The following MAB21L3 variants were observed in gnomAD, a reference collection of about 807,000 sequenced individuals.
MAB21L3 encodes the protein mab-21 like 3.
A neutral mutation model predicts 37.7 loss-of-function variants in MAB21L3; 36 were observed. The observed-to-expected ratio is 0.96, with a 90% CI of 0.73 to 1.26. The LOEUF is 1.26. Ranked by LOEUF, MAB21L3 falls within the 50% of genes most tolerant of loss-of-function variation. MAB21L3 has a pLI of 0.00. For missense variants in MAB21L3, 430 were observed against 447.3 expected (o/e 0.96, Z 0.35); for synonymous variants, 186 against 176.8 (o/e 1.05, Z -0.41).
At chr1:116,117,177 A>ATG (rs1333909302) in intron 3 of MAB21L3, among the ~76,000 whole-genome samples, 1 of 144,852 alleles carries the variant, frequency 6.9e-6, no homozygotes, top group Non-Finnish European at 1.5e-5. Flanking sequence ...ATATATATAT[A>ATG]TATATATATA....
chr1:116,117,326 C>A (rs1259429810), intron 3 of MAB21L3, among the ~76,000 whole-genome samples: 1 of 151,864 alleles, frequency 6.6e-6, no homozygotes, highest in Non-Finnish European at 1.5e-5. Flanking sequence ...ATTTCTCAAC[C>A]ACTCTGCCTG....
At chr1:116,119,315 T>C (rs1557928927) in intron 3 of MAB21L3, among the ~76,000 whole-genome samples, 1 of 152,180 alleles carries the variant, frequency 6.6e-6, no homozygotes, top group Admixed American at 6.5e-5. Context: ...TGACCCTATA[T>C]GTGATATACA....
rs1660223883 is a variant in MAB21L3 at position 116,137,752 on chromosome 1, A to G, written c.*4387A>G. Among the ~76,000 whole-genome samples, 1 of 152,200 alleles carries G rather than the reference A, an allele frequency of 6.6e-6. No individual in the cohort carries two copies. Among genetic ancestry groups the G allele is most frequent in the African/African-American group, 2.4e-5 (1 of 41,430 alleles). Reference sequence around the variant, plus strand: ...TATCCAACAATGATAGAGTGGATTAAGAAAATGTGGCACATATACACCATG... The same window carrying G: ...TATCCAACAATGATAGAGTGGATTAGGAAAATGTGGCACATATACACCATG... On this transcript the variant is annotated 3_prime_UTR_variant, in exon 8 of 8. Coordinates refer to ENST00000369500, the MANE Select transcript of MAB21L3 (RefSeq NM_152367.3).
At chr1:116,124,953 AG>A (rs1280455076) in intron 5 of MAB21L3, among the ~76,000 whole-genome samples, 2 of 152,148 alleles carry the variant, frequency 1.3e-5, no homozygotes. Context: ...CAAACTGGAA[AG>A]AAATGGCTAA....
At chr1:116,126,434 CTG>C (rs1485213740) in intron 5 of MAB21L3, among the ~76,000 whole-genome samples, 5 of 152,178 alleles carry the variant, frequency 3.3e-5, no homozygotes, top group African/African-American at 1.2e-4. Context: ...GAAACAGTGG[CTG>C]TGACGTGCTT....
At position 116,127,530 on chromosome 1, in the gene MAB21L3, G is replaced by A. The variant is rs1659942484; in HGVS notation, c.546G>A (p.Gln182=). 1.2e-6 allele frequency: 2 copies of A among 1,614,076 alleles called. No homozygotes were observed. Among genetic ancestry groups the A allele is most frequent in the South Asian group, 2.2e-5 (2 of 91,088 alleles). ...TTGCTGTGGAAACATCTGCATATCA[G>A]GTGGAACTGGAGCTGGTCCCCGCAG... ...VWVAVETSAY[Q]VELELVPAVE... The change falls in exon 6 of 8, where the codon CAG becomes CAA. Residue 182 remains glutamine, a synonymous_variant. Transcript: ENST00000369500.
chr1:116,124,027 G>C (rs1456986886), intron 4 of MAB21L3, 39 bp from the exon 5 acceptor site: 1 of 1,554,440 alleles, frequency 6.4e-7, no homozygotes, highest in Admixed American at 1.9e-5. Context: ...TCCCGAATCT[G>C]TGAATTCATG....
At chr1:116,113,289 G>T (rs1190928551) in intron 3 of MAB21L3, among the ~76,000 whole-genome samples, 1 of 152,140 alleles carries the variant, frequency 6.6e-6, no homozygotes, top group African/African-American at 2.4e-5. Flanking sequence ...AGTAGGCACT[G>T]GTCTGCAGTT....
intron 7 of MAB21L3, among the ~76,000 whole-genome samples, chr1:116,132,124 C>T (rs2101619457): frequency 6.6e-6 from 1 of 152,224 alleles, no homozygotes; most frequent in Middle Eastern, 3.4e-3. Context: ...ACACGATAAG[C>T]AGGTCAGAGG....
chr1:116,130,871 T>C (rs1660049435), intron 7 of MAB21L3, among the ~76,000 whole-genome samples: 1 of 152,264 alleles, frequency 6.6e-6, no homozygotes, highest in Non-Finnish European at 1.5e-5. Flanking sequence ...TTTTTTCTGG[T>C]ATCTAGGTTA....
Position 116,137,940 on chromosome 1 carries a change from A to G in MAB21L3, c.*4575A>G, listed in dbSNP as rs1276967246. On this transcript the variant is annotated 3_prime_UTR_variant, in exon 8 of 8. Coordinates refer to ENST00000369500, the MANE Select transcript of MAB21L3 (RefSeq NM_152367.3). ...TTGAACAATGAGAACACATGGACAC[A>G]TTAAGGGTAACATCACACTCTGGGG... Among the ~76,000 whole-genome samples the G allele has an allele frequency of 7.4e-6, 1 of 135,202 alleles. No homozygotes were observed. The highest frequency in any genetic ancestry group is 1.5e-5 in the Non-Finnish European group (1 of 65,528). The allele number at this position is 135,202 out of a possible 152,430, so 88.7% of individuals were successfully genotyped here.
chr1:116,131,418 A>G (rs1443796782), intron 7 of MAB21L3, among the ~76,000 whole-genome samples: 1 of 152,264 alleles, frequency 6.6e-6, no homozygotes, highest in Non-Finnish European at 1.5e-5. Context: ...GAGTCTGGAA[A>G]GGAAGGCAGG....
chr1:116,136,895 A>G lies in MAB21L3; in HGVS notation c.*3530A>G, dbSNP rs1660209904. On this transcript the variant is annotated 3_prime_UTR_variant, in exon 8 of 8. Coordinates refer to ENST00000369500, the MANE Select transcript of MAB21L3 (RefSeq NM_152367.3). ...GGGGAAAGGATTCCCTATTTAATAA[A>G]TGGTGCTGGGAAAACTGGCTAGCCA... 1.5e-5 allele frequency among the ~76,000 whole-genome samples: 2 copies of G among 137,032 alleles called. No homozygotes were observed. Among genetic ancestry groups the G allele is most frequent in the South Asian group, 5.1e-4 (2 of 3,942 alleles). 89.9% of individuals were successfully genotyped at this position (137,032 alleles called of 152,430 possible).
chr1:116,130,670 T>C (rs1660045259), intron 7 of MAB21L3, among the ~76,000 whole-genome samples: 1 of 152,202 alleles, frequency 6.6e-6, no homozygotes, highest in Non-Finnish European at 1.5e-5. Context: ...TCTGACACTC[T>C]CTTACAAGGC....
In MAB21L3 at chr1:116,121,089, G is replaced by A. The variant is rs2101612166; in HGVS notation, c.189+17G>A. The stretch of plus-strand genomic sequence containing the variant: ...AATATTAAGGTAAGCAAGTCTTGCT[G>A]TCTCTAAGTGCCACCAACAGAGCCA... On this transcript the variant is annotated intron_variant, in intron 4 of 7. Transcript: ENST00000369500. The A allele has an allele frequency of 4.4e-6, 7 of 1,608,770 alleles. No homozygotes were observed. Among genetic ancestry groups the A allele is most frequent in the Admixed American group, 1.7e-5 (1 of 59,720 alleles).
rs1660124919 is a variant in MAB21L3, at chr1:116,133,294, C to A, written c.1018C>A (p.Pro340Thr). Residue 340 changes from proline (P) to threonine (T), a missense_variant, in exon 8 of 8, where the codon CCG becomes ACG. By Grantham distance (38) the Pro-to-Thr change is conservative. Transcript: ENST00000369500. Reference protein sequence around the residue: ...RNSNLFQCTNPTELDTVAQKL... With the variant: ...RNSNLFQCTNTTELDTVAQKL... ...CAGCAACCTCTTTCAGTGCACCAAC[C>A]CGACTGAACTGGACACTGTGGCCCA... The A allele has an allele frequency of 1.2e-6, 2 of 1,614,202 alleles. No homozygotes were observed. Among genetic ancestry groups the A allele is most frequent in the Non-Finnish European group, 1.7e-6 (2 of 1,180,044 alleles).
At chr1:116,117,691 A>C (rs1570802804) in intron 3 of MAB21L3, among the ~76,000 whole-genome samples, 1 of 152,094 alleles carries the variant, frequency 6.6e-6, no homozygotes, top group Non-Finnish European at 1.5e-5. Flanking sequence ...ACAGTCTCTC[A>C]TTCCTTATAG....
intron 3 of MAB21L3, among the ~76,000 whole-genome samples, chr1:116,116,692 C>T (rs1280647131): frequency 6.6e-6 from 1 of 152,108 alleles, no homozygotes; most frequent in Non-Finnish European, 1.5e-5. Flanking sequence ...TCTGGTCCTC[C>T]ATAAAGTCAC....
At position 116,133,275 on chromosome 1, in the gene MAB21L3, C is replaced by A. The variant is rs1160703171; in HGVS notation, c.999C>A (p.Asn333Lys). ...AACACTATTTCGTCCGGAACAGCAA[C>A]CTCTTTCAGTGCACCAACCCGACTG... ...FLKHYFVRNS[N>K]LFQCTNPTEL... is the part of the protein sequence containing the mutation. Residue 333 changes from asparagine (N) to lysine (K), a missense_variant, in exon 8 of 8, where the codon AAC (asparagine) becomes AAA (lysine). Coordinates refer to ENST00000369500, the MANE Select transcript of MAB21L3 (RefSeq NM_152367.3). The A allele has an allele frequency of 1.2e-6, 2 of 1,614,208 alleles. No homozygotes were observed.
Sources: gnomAD v4.1 joint callset for allele counts (sites outside exome capture counted in the v4.1 genomes callset) on GRCh38, gnomAD v4.1.1 for gene constraint, MANE v1.5 for transcripts, NCBI Gene and HGNC (gene_info 2026-07-23, HGNC 2026-07-21) for gene names.